The following CDYL variants were observed in gnomAD, a reference collection of about 807,000 sequenced individuals.
CDYL encodes the protein chromodomain Y like, also known as chromodomain Y-like protein.
A neutral mutation model predicts 47.3 loss-of-function variants in CDYL; 8 were observed. That is an observed-to-expected ratio of 0.17 (90% CI 0.10 to 0.31). The LOEUF (loss-of-function observed/expected upper bound fraction) is 0.31, where lower values mean the gene tolerates loss of function less well. CDYL is among the 10% of genes least tolerant of loss of function. The pLI, the probability that CDYL is intolerant of heterozygous loss-of-function variation, is 1.00. For missense variants in CDYL, 471 were observed against 701.4 expected (o/e 0.67, Z 3.71); for synonymous variants, 266 against 265.0 (o/e 1.00, Z -0.04).
rs570205634 is a variant in CDYL, at chr6:4,891,339, C to T, written c.25-374C>T. 2.9e-4 allele frequency among the ~76,000 whole-genome samples: 44 copies of T among 152,248 alleles called. No individual in the cohort carries two copies. The South Asian group carries it at 6.2e-3, about 22-fold the overall frequency. On this transcript the variant is annotated intron_variant, in intron 1 of 6. Transcript: ENST00000397588. Reference sequence around the variant, plus strand: ...CACTCCAGGCTGTTGCCTGGGTGCCCGCTGCTGGAACCCTGGGATGACCAG... The same window carrying T: ...CACTCCAGGCTGTTGCCTGGGTGCCTGCTGCTGGAACCCTGGGATGACCAG...
In CDYL at chr6:4,743,235, C is replaced by T. The variant is rs189879549; in HGVS notation, c.186+8391C>T. On this transcript the variant is annotated intron_variant, in intron 3 of 8. Transcript: ENST00000328908. ...CTGGCAAGGAACCTAGGAAGATGCT[C>T]GGAAAGTGCCTGGGGCCACAGCCTT... Among the ~76,000 whole-genome samples the T allele has an allele frequency of 1.9e-4, 29 of 152,240 alleles. No homozygotes were observed. In the East Asian group the frequency reaches 4.1e-3, roughly 21 times the overall value.
chr6:4,727,109 A>C (rs1196936220), intron 2 of CDYL, among the ~76,000 whole-genome samples: 2 of 152,136 alleles, frequency 1.3e-5, no homozygotes, highest in Non-Finnish European at 2.9e-5. Context: ...TTTCCCCAAA[A>C]CCAGAAACTC....
chr6:4,918,533 A>G (rs958153694), intron 2 of CDYL, among the ~76,000 whole-genome samples: 2 of 152,186 alleles, frequency 1.3e-5, no homozygotes, highest in African/African-American at 2.4e-5. Context: ...TTATCCCTAT[A>G]TGCTTAGTTA....
chr6:4,842,379 T>C (rs915943813), intron 1 of CDYL, among the ~76,000 whole-genome samples: 2 of 151,590 alleles, frequency 1.3e-5, no homozygotes, highest in African/African-American at 4.8e-5. Flanking sequence ...TCCCCCACTA[T>C]ATATTATTAT....
At chr6:4,713,650 C>A (rs1314618558) in intron 1 of CDYL, among the ~76,000 whole-genome samples, 1 of 149,890 alleles carries the variant, frequency 6.7e-6, no homozygotes, top group Non-Finnish European at 1.5e-5. Flanking sequence ...TGCAGTGGCA[C>A]AATCTCAGCT....
At chr6:4,890,705 C>G (rs545032348) in intron 1 of CDYL, among the ~76,000 whole-genome samples, 7 of 152,312 alleles carry the variant, frequency 4.6e-5, no homozygotes, top group Admixed American at 1.3e-4. Flanking sequence ...CCTGACCTAC[C>G]TCTAACTGCC....
intron 2 of CDYL, chr6:4,734,721 G>C (rs1757671299): frequency 6.2e-7 from 1 of 1,610,828 alleles, no homozygotes; most frequent in East Asian, 2.2e-5. Context: ...GAAGAGGATG[G>C]GTCCACCTCT....
intron 1 of CDYL, among the ~76,000 whole-genome samples, chr6:4,777,026 G>GT (rs1758480780): frequency 6.7e-6 from 1 of 149,200 alleles, no homozygotes; most frequent in Non-Finnish European, 1.5e-5. Flanking sequence ...CGTGGGGTGG[G>GT]GGGGGGGGTC....
chr6:4,952,128 G>A (rs1028509834), intron 5 of CDYL, 138 bp from the exon 6 acceptor site: 2 of 898,922 alleles, frequency 2.2e-6, no homozygotes, highest in Admixed American at 2.8e-5. Context: ...GTTCCCAGCG[G>A]CCCCTAGAGG....
intron 4 of CDYL, among the ~76,000 whole-genome samples, chr6:4,942,293 G>C (rs1051481437): frequency 6.6e-6 from 1 of 151,996 alleles, no homozygotes; most frequent in Non-Finnish European, 1.5e-5. Context: ...TACACACACA[G>C]ACACAACCCT....
chr6:4,909,736 ATT>A (rs879622297), intron 2 of CDYL, among the ~76,000 whole-genome samples: 2 of 142,220 alleles, frequency 1.4e-5, no homozygotes. Flanking sequence ...ACGCCTGGCT[ATT>A]TTTTTTTTTT....
intron 1 of CDYL, among the ~76,000 whole-genome samples, chr6:4,812,514 T>G (rs1039270064): frequency 6.6e-6 from 1 of 152,226 alleles, no homozygotes; most frequent in South Asian, 2.1e-4. Context: ...GACTCTTACT[T>G]TGTTTCAGTG....
At chr6:4,934,247 T>C (rs758167233) in intron 2 of CDYL, among the ~76,000 whole-genome samples, 2 of 152,218 alleles carry the variant, frequency 1.3e-5, no homozygotes, top group Non-Finnish European at 2.9e-5. Flanking sequence ...AGGATCAGGC[T>C]GTGGGGGGCT....
intron 5 of CDYL, among the ~76,000 whole-genome samples, chr6:4,949,604 G>A (rs1156930401): frequency 6.6e-6 from 1 of 152,222 alleles, no homozygotes; most frequent in Non-Finnish European, 1.5e-5. Flanking sequence ...TCTACAGGGA[G>A]TCCCTGTGCA....
At chr6:4,936,496 C>T (rs1235360166) in intron 3 of CDYL, among the ~76,000 whole-genome samples, 9 of 152,212 alleles carry the variant, frequency 5.9e-5, no homozygotes, top group South Asian at 2.1e-4. Flanking sequence ...TGTGTTCGCC[C>T]GGGGTCACAT....
At chr6:4,741,027 G>A (rs991767021) in intron 3 of CDYL, among the ~76,000 whole-genome samples, 7 of 151,958 alleles carry the variant, frequency 4.6e-5, no homozygotes, top group African/African-American at 1.7e-4. Flanking sequence ...CTTCAAGTGG[G>A]CCACCTGCCT....
intron 2 of CDYL, among the ~76,000 whole-genome samples, chr6:4,727,450 G>A (rs1445470152): frequency 6.6e-6 from 1 of 152,012 alleles, no homozygotes; most frequent in East Asian, 1.9e-4. Flanking sequence ...CTGTTGTAAG[G>A]AGCATGAGTT....
rs577689925 is a variant in CDYL, at chr6:4,854,303, G to A, written c.25-37410G>A. ...GCATGGCTCAGATCCTCTTTAAGAT[G>A]TTTCCTCAAAACTCAGCATCCGCAG... On this transcript the variant is annotated intron_variant, in intron 1 of 6. Transcript: ENST00000397588. Among the ~76,000 whole-genome samples the A allele has an allele frequency of 3.9e-5, 6 of 152,308 alleles. 1 individual carries two copies. The highest frequency in any genetic ancestry group is 1.4e-4 in the African/African-American group (6 of 41,566).
intron 2 of CDYL, among the ~76,000 whole-genome samples, chr6:4,893,464 G>C (rs187749648): frequency 4.6e-5 from 7 of 152,310 alleles, no homozygotes; most frequent in Admixed American, 1.3e-4. Context: ...AGGCCGAGGA[G>C]GGCAGATCGC....
Sources: allele counts gnomAD v4.1 joint callset (sites outside exome capture counted in the v4.1 genomes callset), GRCh38; gene constraint gnomAD v4.1.1; transcripts MANE v1.5; gene names NCBI Gene and HGNC (gene_info 2026-07-23, HGNC 2026-07-21).